GPC4: variants seen among roughly 807,000 people sequenced by gnomAD.
GPC4 encodes glypican 4.
In GPC4, 10 loss-of-function variants were observed where a neutral mutation model predicts 35.0. That is an observed-to-expected ratio of 0.29 (90% confidence interval 0.18 to 0.48). The LOEUF (loss-of-function observed/expected upper bound fraction) is 0.48. Ranked by LOEUF, GPC4 falls within the 20% of genes least tolerant of loss-of-function variation. The pLI is 0.99. For synonymous variants in GPC4, 167 were observed against 170.2 expected, an observed-to-expected ratio of 0.98 and a Z score of 0.15; for missense variants, 322 against 451.3, an observed-to-expected ratio of 0.71 and a Z score of 2.60.
intron 1 of GPC4, among the ~76,000 whole-genome samples, chrX:133,354,847 C>T (rs927565242): frequency 6.3e-5 from 7 of 111,237 alleles, no homozygotes; most frequent in Non-Finnish European, 1.3e-4. Flanking sequence ...GGATTACAGG[C>T]GTGAGCCACC....
At chrX:133,365,278 C>T (rs1275846597) in intron 1 of GPC4, among the ~76,000 whole-genome samples, 1 of 111,847 alleles carries the variant, frequency 8.9e-6, no homozygotes, top group Non-Finnish European at 1.9e-5. Context: ...TTTCATCAAC[C>T]GTTCACCACT....
chrX:133,361,798 G>T (rs1004228658), intron 1 of GPC4, among the ~76,000 whole-genome samples: 9 of 111,635 alleles, frequency 8.1e-5, no homozygotes, highest in Non-Finnish European at 1.5e-4. Flanking sequence ...CTGTAAATTA[G>T]AGTGCCCGAA....
chrX:133,312,770 G>A (rs1249346848), intron 3 of GPC4, among the ~76,000 whole-genome samples: 1 of 111,263 alleles, frequency 9.0e-6, no homozygotes, highest in Non-Finnish European at 1.9e-5. Context: ...AAGTTTGTGA[G>A]GAAGGAAAGG....
intron 1 of GPC4, among the ~76,000 whole-genome samples, chrX:133,347,248 G>GTTTGTTTTTT (rs1556029439): frequency 7.9e-5 from 2 of 25,415 alleles, no homozygotes; most frequent in African/African-American, 2.8e-4. Context: ...TCTATTAGAA[G>GTTTGTTTTTT]TTTTTTTTTT....
At chrX:133,361,147 T>A (rs1284379908) in intron 1 of GPC4, among the ~76,000 whole-genome samples, 1 of 111,879 alleles carries the variant, frequency 8.9e-6, no homozygotes, top group East Asian at 2.8e-4. Flanking sequence ...TCACAAAAGT[T>A]CTAGATGTTA....
At chrX:133,398,505 C>T (rs755678916) in intron 1 of GPC4, among the ~76,000 whole-genome samples, 8 of 111,858 alleles carry the variant, frequency 7.2e-5, no homozygotes, top group East Asian at 2.8e-4. Flanking sequence ...CCGTGGCTCA[C>T]GCCTGTAATC....
At chrX:133,392,945 G>A (rs2068726282) in intron 1 of GPC4, among the ~76,000 whole-genome samples, 1 of 111,816 alleles carries the variant, frequency 8.9e-6, no homozygotes, top group African/African-American at 3.3e-5. Flanking sequence ...TGTACCCTCC[G>A]GATCACAAAG....
chrX:133,361,985 G>A (rs1192448943), intron 1 of GPC4, among the ~76,000 whole-genome samples: 9 of 110,611 alleles, frequency 8.1e-5, no homozygotes, highest in South Asian at 7.9e-4. Context: ...AGTCTGAGGC[G>A]GGAGGATTGC....
chrX:133,405,920 A>G (rs1234597844), intron 1 of GPC4, among the ~76,000 whole-genome samples: 1 of 111,855 alleles, frequency 8.9e-6, no homozygotes, highest in African/African-American at 3.2e-5. Flanking sequence ...TTCTCCACAT[A>G]GAATGCATGG....
intron 3 of GPC4, among the ~76,000 whole-genome samples, chrX:133,323,479 C>T (rs921988693): frequency 1.8e-5 from 2 of 111,840 alleles, no homozygotes; most frequent in African/African-American, 3.3e-5. Flanking sequence ...AGACCCTGTC[C>T]CCACCTCCCA....
intron 1 of GPC4, among the ~76,000 whole-genome samples, chrX:133,387,212 T>C (rs975434443): frequency 1.8e-5 from 2 of 112,139 alleles, no homozygotes; most frequent in African/African-American, 6.5e-5. Flanking sequence ...CCTACAGATA[T>C]CCTTAGGGTG....
intron 1 of GPC4, among the ~76,000 whole-genome samples, chrX:133,411,906 A>G (rs991024364): frequency 9.0e-6 from 1 of 111,481 alleles, no homozygotes; most frequent in Non-Finnish European, 1.9e-5. Flanking sequence ...CACCCTTGAG[A>G]GCACATCAGA....
chrX:133,404,772 A>G (rs2068779722), intron 1 of GPC4, among the ~76,000 whole-genome samples: 1 of 104,022 alleles, frequency 9.6e-6, no homozygotes, highest in Admixed American at 1.0e-4. Context: ...TAATCTCTTG[A>G]ACCTGGGTGG....
At chrX:133,364,276 A>G (rs1428088341) in intron 1 of GPC4, among the ~76,000 whole-genome samples, 1 of 112,113 alleles carries the variant, frequency 8.9e-6, no homozygotes, top group Non-Finnish European at 1.9e-5. Context: ...TAGGGTTTCA[A>G]TTCTCTTGGG....
At chrX:133,382,598 G>A (rs1269918555) in intron 1 of GPC4, among the ~76,000 whole-genome samples, 2 of 107,729 alleles carry the variant, frequency 1.9e-5, no homozygotes, top group South Asian at 4.2e-4. Context: ...GCGTGGTGGC[G>A]GGCACCTGTA....
At chrX:133,387,500 G>C (rs1000638874) in intron 1 of GPC4, among the ~76,000 whole-genome samples, 2 of 110,962 alleles carry the variant, frequency 1.8e-5, no homozygotes, top group African/African-American at 6.6e-5. Flanking sequence ...AGGAAAGAAG[G>C]AAGGAGAAAA....
chrX:133,310,840 G>C (rs2068311476), intron 4 of GPC4, among the ~76,000 whole-genome samples: 1 of 111,489 alleles, frequency 9.0e-6, no homozygotes, highest in Admixed American at 9.6e-5. Flanking sequence ...ATATCAAAAA[G>C]ACACTTTCTC....
intron 1 of GPC4, among the ~76,000 whole-genome samples, chrX:133,382,411 G>GC (rs375732690): frequency 3.0e-5 from 2 of 67,397 alleles, no homozygotes; most frequent in African/African-American, 6.1e-5. Flanking sequence ...GTGTGACAGA[G>GC]GAGACTCCGT....
chrX:133,415,065 G>T lies in GPC4; in HGVS notation c.-100C>A. On this transcript the variant is annotated 5_prime_UTR_variant, in exon 1 of 9. Coordinates refer to ENST00000370828, the MANE Select transcript of GPC4 (RefSeq NM_001448.3). ...CTGGCGGAGTCGGGGACTAGCGAGT[G>T]GAGCTGGAGGGAGAAGGAGTTGGAG... 1.2e-6 allele frequency: 1 copy of T among 829,037 alleles called. No homozygotes were observed. The highest frequency in any genetic ancestry group is 1.7e-6 in the Non-Finnish European group (1 of 591,481). 68.3% of individuals were successfully genotyped at this position (829,037 alleles called of 1,213,427 possible).
Sources: gnomAD v4.1 joint callset for allele counts (sites outside exome capture counted in the v4.1 genomes callset) on GRCh38, gnomAD v4.1.1 for gene constraint, MANE v1.5 for transcripts, NCBI Gene and HGNC (gene_info 2026-07-23, HGNC 2026-07-21) for gene names.